Variants in PDS5B observed in about 807,000 individuals in gnomAD.
PDS5B encodes PDS5 cohesin associated factor B.
In PDS5B, 51 loss-of-function variants were observed where a neutral mutation model predicts 184.1. That is an observed-to-expected ratio of 0.28 (90% confidence interval 0.22 to 0.35). The LOEUF is 0.35. Among genes scored for constraint, PDS5B ranks in the 10% least tolerant of loss-of-function variants. The pLI, the probability that PDS5B is intolerant of heterozygous loss-of-function variation, is 1.00. For missense variants in PDS5B, 1,180 were observed against 1,723.3 expected, an observed-to-expected ratio of 0.68 and a Z score of 5.58; for synonymous variants, 566 against 569.2, an observed-to-expected ratio of 0.99 and a Z score of 0.08.
chr13:32,588,990 T>A (rs181655523), intron 1 of PDS5B, among the ~76,000 whole-genome samples: 2 of 152,364 alleles, frequency 1.3e-5, no homozygotes, highest in South Asian at 4.1e-4. Flanking sequence ...TTGGGAAATT[T>A]AGAGACTGCC....
chr13:32,589,633 A>AT (rs1407239961), intron 1 of PDS5B, among the ~76,000 whole-genome samples: 1 of 152,034 alleles, frequency 6.6e-6, no homozygotes, highest in Non-Finnish European at 1.5e-5. Flanking sequence ...GTATGCGTGT[A>AT]TTTTTTCATT....
intron 19 of PDS5B, among the ~76,000 whole-genome samples, chr13:32,719,885 G>A (rs1178780851): frequency 2.7e-5 from 4 of 149,322 alleles, no homozygotes; most frequent in Admixed American, 6.7e-5. Flanking sequence ...CTGCCTCCCA[G>A]GTTCTAGCAG....
intron 1 of PDS5B, among the ~76,000 whole-genome samples, chr13:32,597,690 T>TA (rs1290728099): frequency 6.6e-6 from 1 of 151,510 alleles, no homozygotes; most frequent in Non-Finnish European, 1.5e-5. Flanking sequence ...TACTAAAAAA[T>TA]ACAAAAATTA....
At chr13:32,630,186 C>T (rs529835891) in intron 1 of PDS5B, among the ~76,000 whole-genome samples, 2 of 152,320 alleles carry the variant, frequency 1.3e-5, no homozygotes, top group East Asian at 3.9e-4. Flanking sequence ...TGTACATTAT[C>T]ACATGCATGC....
intron 1 of PDS5B, among the ~76,000 whole-genome samples, chr13:32,621,626 C>G (rs2058302875): frequency 6.6e-6 from 1 of 152,076 alleles, no homozygotes; most frequent in Non-Finnish European, 1.5e-5. Context: ...GATTACTGCT[C>G]TATTCAGGTT....
chr13:32,719,540 C>T (rs918081038), intron 19 of PDS5B, among the ~76,000 whole-genome samples: 2 of 151,724 alleles, frequency 1.3e-5, no homozygotes, highest in Admixed American at 6.6e-5. Context: ...GTGTTACCCC[C>T]CACTCCCTGC....
At chr13:32,730,249 T>C (rs1488597525) in intron 19 of PDS5B, among the ~76,000 whole-genome samples, 1 of 152,172 alleles carries the variant, frequency 6.6e-6, no homozygotes, top group African/African-American at 2.4e-5. Context: ...AAAGATCAGA[T>C]GGTTGTAGAT....
chr13:32,767,621 A>G (rs1954625450), intron 31 of PDS5B, among the ~76,000 whole-genome samples: 1 of 152,174 alleles, frequency 6.6e-6, no homozygotes, highest in East Asian at 1.9e-4. Context: ...ATAGATTTAA[A>G]TATAACCTTT....
intron 1 of PDS5B, among the ~76,000 whole-genome samples, chr13:32,598,770 CTTTTTTTTTT>C (rs756301581): frequency 1.6e-5 from 2 of 126,362 alleles, no homozygotes; most frequent in Admixed American, 8.2e-5. Context: ...TTTTTTCTCT[CTTTTTTTTTT>C]TTTTTTTTGA....
Position 32,659,249 on chromosome 13 carries a change from C to T in PDS5B, c.593C>T (p.Thr198Met), listed in dbSNP as rs919606360. The change falls in exon 6 of 35, where the codon ACG becomes ATG. Residue 198 changes from threonine to methionine, a missense_variant. This residue lies in a region of PDS5B where 79 missense variants were observed against 124.6 expected (regional missense o/e 0.63). Coordinates refer to ENST00000315596, the MANE Select transcript of PDS5B (RefSeq NM_015032.4). ...GDTVSQELLD[T>M]VLVNLVPAHK... ...ACAGTGTCTCAGGAGCTTTTGGATA[C>T]GGTTTTAGTAAATCTGGTACCTGCT... is the stretch of plus-strand genomic sequence containing the variant. The T allele has an allele frequency of 4.4e-6, 7 of 1,590,672 alleles. No homozygotes were observed. The highest frequency in any genetic ancestry group is 1.7e-5 in the Admixed American group (1 of 59,714).
chr13:32,676,727 C>G (rs1366146244), intron 9 of PDS5B, among the ~76,000 whole-genome samples: 1 of 151,924 alleles, frequency 6.6e-6, no homozygotes, highest in Non-Finnish European at 1.5e-5. Flanking sequence ...GTCAGGAGAT[C>G]GAGACCATCC....
chr13:32,670,607 A>G (rs1207051928), intron 7 of PDS5B, among the ~76,000 whole-genome samples: 2 of 152,208 alleles, frequency 1.3e-5, no homozygotes, highest in Non-Finnish European at 2.9e-5. Context: ...TTTGTTTAAA[A>G]GGTAAGATGG....
In PDS5B at chr13:32,776,063, T is replaced by A. The variant is rs1954948938; in HGVS notation, c.*1011T>A. 1.3e-5 allele frequency: 2 copies of A among 154,922 alleles called. No homozygotes were observed. Among genetic ancestry groups the A allele is most frequent in the Admixed American group, 6.5e-5 (1 of 15,400 alleles). 9.6% of individuals were successfully genotyped at this position (154,922 alleles called of 1,614,324 possible). On this transcript the variant is annotated 3_prime_UTR_variant, in exon 35 of 35. Transcript: ENST00000315596. ...TGTAAAGTTAATCAGAAAGAAAAAA[T>A]TTTATTGATGCAGTGTGTCTTTATA...
At chr13:32,659,326 T>A (rs1950588414) in intron 6 of PDS5B, 46 bp downstream of exon 6, 1 of 1,425,300 alleles carries the variant, frequency 7.0e-7, no homozygotes, top group Admixed American at 2.1e-5. Flanking sequence ...CCGTTAATAT[T>A]AAGGCTTAAA....
In PDS5B at chr13:32,629,730, G is replaced by T. The variant is rs888590313; in HGVS notation, c.-19-19024G>T. 1.1e-4 allele frequency among the ~76,000 whole-genome samples: 17 copies of T among 152,306 alleles called. No homozygotes were observed. In the South Asian group the frequency reaches 1.4e-3, roughly 13 times the overall value. On this transcript the variant is annotated intron_variant, in intron 1 of 34. Transcript: ENST00000315596. ...TTTGAAATAAACCAAGAAGTTGAGT[G>T]TGCCTCTGTGGCCATTTCCAGCCAT...
At chr13:32,633,159 A>G (rs2058484254) in intron 1 of PDS5B, among the ~76,000 whole-genome samples, 2 of 152,168 alleles carry the variant, frequency 1.3e-5, no homozygotes, top group East Asian at 3.8e-4. Context: ...GCTGGGGAAA[A>G]CAGGGCATGG....
At chr13:32,709,481 A>G (rs1952130096) in intron 18 of PDS5B, among the ~76,000 whole-genome samples, 1 of 151,946 alleles carries the variant, frequency 6.6e-6, no homozygotes, top group African/African-American at 2.4e-5. Flanking sequence ...GATTATTCTA[A>G]TGTTCGTACC....
intron 19 of PDS5B, among the ~76,000 whole-genome samples, chr13:32,731,039 A>G (rs2140948781): frequency 6.6e-6 from 1 of 152,296 alleles, no homozygotes; most frequent in East Asian, 1.9e-4. Flanking sequence ...TTCAAAGGGA[A>G]TGCTTCCAGC....
At chr13:32,682,135 C>T (rs1951265183) in intron 10 of PDS5B, among the ~76,000 whole-genome samples, 1 of 152,048 alleles carries the variant, frequency 6.6e-6, no homozygotes, top group Non-Finnish European at 1.5e-5. Flanking sequence ...CAGATTTATC[C>T]ATATTTTAGA....
Sources: allele counts gnomAD v4.1 joint callset (sites outside exome capture counted in the v4.1 genomes callset), GRCh38; gene constraint gnomAD v4.1.1; regional missense constraint gnomAD v4.1.1; transcripts MANE v1.5; gene names NCBI Gene and HGNC (gene_info 2026-07-23, HGNC 2026-07-21).